SLC35F3: variants seen among roughly 807,000 people sequenced by gnomAD.
SLC35F3 encodes the protein putative thiamine transporter SLC35F3.
SLC35F3 carries 25 observed loss-of-function variants against 49.9 expected under a neutral mutation model. The ratio of observed to expected loss-of-function variants is 0.50; its 90% CI spans 0.37 to 0.70. The LOEUF (loss-of-function observed/expected upper bound fraction) is 0.70. SLC35F3 is among the 30% of genes least tolerant of loss of function. The probability of loss-of-function intolerance (pLI) is 0.00; values close to 1 mark genes in which losing one functional copy is unlikely to be tolerated. For missense variants in SLC35F3, 525 were observed against 639.8 expected (o/e 0.82, Z 1.94); for synonymous variants, 275 against 265.4 (o/e 1.04, Z -0.35).
At chr1:234,206,501 G>C (rs147474826) in intron 2 of SLC35F3, among the ~76,000 whole-genome samples, 5 of 135,730 alleles carry the variant, frequency 3.7e-5, no homozygotes, top group South Asian at 2.9e-4. Context: ...TATTTCCCGG[G>C]GGGGGGCTAT....
At chr1:234,244,399 A>G (rs1558271641) in intron 3 of SLC35F3, among the ~76,000 whole-genome samples, 1 of 152,092 alleles carries the variant, frequency 6.6e-6, no homozygotes, top group Non-Finnish European at 1.5e-5. Flanking sequence ...GAAACTATCC[A>G]TGGGCAGTGG....
chr1:233,904,970 G>A lies in SLC35F3; in HGVS notation c.-108G>A, dbSNP rs1661745331. On this transcript the variant is annotated 5_prime_UTR_variant, in exon 1 of 8. Coordinates refer to ENST00000366618, the MANE Select transcript of SLC35F3 (RefSeq NM_173508.4). ...GGCGGCCGGCGCGGCGCAGACCCTC[G>A]GTGGGCAGCGCACTCCAGTCTTCCC... is the stretch of plus-strand genomic sequence containing the variant. 1.5e-6 allele frequency: 2 copies of A among 1,292,036 alleles called. No individual in the cohort carries two copies. The highest frequency in any genetic ancestry group is 2.1e-6 in the Non-Finnish European group (2 of 938,074). 80.0% of individuals were successfully genotyped at this position (1,292,036 alleles called of 1,614,324 possible). A position where few individuals can be genotyped will look rare whatever the true frequency, so the allele number is the denominator to read the frequency against.
intron 3 of SLC35F3, among the ~76,000 whole-genome samples, chr1:234,275,359 A>G (rs1668187096): frequency 6.6e-6 from 1 of 152,198 alleles, no homozygotes; most frequent in South Asian, 2.1e-4. Flanking sequence ...TAGAAATTCA[A>G]AATACTTCTG....
chr1:234,305,383 C>CTTT (rs60208203), intron 3 of SLC35F3, among the ~76,000 whole-genome samples: 1 of 124,272 alleles, frequency 8.0e-6, no homozygotes, highest in Non-Finnish European at 1.7e-5. Flanking sequence ...AGCAGTATTG[C>CTTT]TTTTTTTTTT....
At chr1:234,079,205 C>G (rs1006219155) in intron 2 of SLC35F3, among the ~76,000 whole-genome samples, 2 of 152,104 alleles carry the variant, frequency 1.3e-5, no homozygotes, top group African/African-American at 4.8e-5. Context: ...ACAAGGGTAC[C>G]AAGACTATTC....
intron 2 of SLC35F3, among the ~76,000 whole-genome samples, chr1:234,072,648 C>T (rs903506628): frequency 6.6e-6 from 1 of 152,036 alleles, no homozygotes; most frequent in Non-Finnish European, 1.5e-5. Context: ...CTGTGGATCT[C>T]GGGAAGAACG....
intron 3 of SLC35F3, among the ~76,000 whole-genome samples, chr1:234,237,687 G>C (rs755454036): frequency 6.6e-6 from 1 of 152,150 alleles, no homozygotes; most frequent in East Asian, 1.9e-4. Flanking sequence ...CCTCATCCTA[G>C]GAGAGAGATA....
intron 3 of SLC35F3, among the ~76,000 whole-genome samples, chr1:234,235,056 C>T (rs1012519247): frequency 6.6e-6 from 1 of 152,154 alleles, no homozygotes; most frequent in African/African-American, 2.4e-5. Flanking sequence ...CTGAAGAAAT[C>T]AACTTGTGGC....
intron 2 of SLC35F3, among the ~76,000 whole-genome samples, chr1:234,197,455 T>G (rs2102932623): frequency 6.6e-6 from 1 of 152,274 alleles, no homozygotes; most frequent in East Asian, 1.9e-4. Flanking sequence ...AGAGTTCGGT[T>G]AAGGAGAGTC....
intron 2 of SLC35F3, among the ~76,000 whole-genome samples, chr1:234,087,911 T>C (rs1664984299): frequency 6.6e-6 from 1 of 152,204 alleles, no homozygotes; most frequent in Non-Finnish European, 1.5e-5. Context: ...GATAGTGACA[T>C]GGCCCTTCTT....
In SLC35F3 at chr1:234,046,510, G is replaced by A. The variant is rs971175759; in HGVS notation, c.283+140752G>A. ...TTTATATAGTCTGGATAAATCCTTC[G>A]TCAATTATCTGTATTGCAAAATCTC... is the stretch of plus-strand genomic sequence containing the variant. On this transcript the variant is annotated intron_variant, in intron 2 of 7. Coordinates refer to ENST00000366618, the MANE Select transcript of SLC35F3 (RefSeq NM_173508.4). The surrounding 1 kb of genome is among the most constrained non-coding windows in gnomAD (Gnocchi z 4.4). 1.3e-5 allele frequency among the ~76,000 whole-genome samples: 2 copies of A among 151,992 alleles called. No homozygotes were observed. Among genetic ancestry groups the A allele is most frequent in the African/African-American group, 4.8e-5 (2 of 41,400 alleles).
At chr1:234,140,002 A>AAAAAT in intron 2 of SLC35F3, among the ~76,000 whole-genome samples, 4 of 105,364 alleles carry the variant, frequency 3.8e-5, no homozygotes, top group Non-Finnish European at 7.1e-5. Context: ...AATAAAATAA[A>AAAAAT]GTAAGTGACT....
At chr1:234,297,433 C>A (rs1041422785) in intron 3 of SLC35F3, among the ~76,000 whole-genome samples, 1 of 152,182 alleles carries the variant, frequency 6.6e-6, no homozygotes, top group African/African-American at 2.4e-5. Context: ...GGTATGTATA[C>A]AACATGTAAT....
At chr1:234,064,073 C>A (rs1173526088) in intron 2 of SLC35F3, among the ~76,000 whole-genome samples, 1 of 152,170 alleles carries the variant, frequency 6.6e-6, no homozygotes, top group Non-Finnish European at 1.5e-5. Context: ...CTCCTGGTGT[C>A]ATGCTGGAAG....
chr1:234,100,758 C>T (rs1031861565), intron 2 of SLC35F3, among the ~76,000 whole-genome samples: 1 of 152,194 alleles, frequency 6.6e-6, no homozygotes, highest in Non-Finnish European at 1.5e-5. Context: ...TCAAACATGG[C>T]CTCCCCATGG....
intron 3 of SLC35F3, among the ~76,000 whole-genome samples, chr1:234,308,531 T>C (rs1657264232): frequency 6.6e-6 from 1 of 152,172 alleles, no homozygotes; most frequent in African/African-American, 2.4e-5. Flanking sequence ...AGACAATTCT[T>C]TTTCTAATGT....
chr1:233,971,923 C>T (rs1663000518), intron 2 of SLC35F3, among the ~76,000 whole-genome samples: 1 of 152,206 alleles, frequency 6.6e-6, no homozygotes, highest in Non-Finnish European at 1.5e-5. Flanking sequence ...GGGACATCCC[C>T]CGCTGCCCGA....
chr1:234,221,332 C>T (rs1667201366), intron 2 of SLC35F3, among the ~76,000 whole-genome samples: 2 of 152,012 alleles, frequency 1.3e-5, no homozygotes, highest in Non-Finnish European at 2.9e-5. Flanking sequence ...GAGGTTGCCC[C>T]GAAAGAAAGA....
chr1:234,200,410 T>C (rs1383263386), intron 2 of SLC35F3, among the ~76,000 whole-genome samples: 2 of 152,188 alleles, frequency 1.3e-5, no homozygotes, highest in African/African-American at 4.8e-5. Flanking sequence ...TATTTTCTCC[T>C]ATTCTATGGG....
Sources: allele counts gnomAD v4.1 joint callset (sites outside exome capture counted in the v4.1 genomes callset), GRCh38; gene constraint gnomAD v4.1.1; non-coding constraint Gnocchi (gnomAD v3.1); transcripts MANE v1.5; gene names NCBI Gene and HGNC (gene_info 2026-07-23, HGNC 2026-07-21).